Variants in TBC1D5 observed in about 807,000 individuals in gnomAD.
TBC1D5 encodes TBC1 domain family member 5.
A neutral mutation model predicts 100.3 loss-of-function variants in TBC1D5; 75 were observed. That is an observed-to-expected ratio of 0.75 (90% confidence interval 0.62 to 0.91). The LOEUF is 0.91. TBC1D5 is among the 40% of genes least tolerant of loss of function. The pLI, the probability that TBC1D5 is intolerant of heterozygous loss-of-function variation, is 0.00. For missense variants in TBC1D5, 910 were observed against 942.4 expected (o/e 0.97, Z 0.45); for synonymous variants, 323 against 325.6 (o/e 0.99, Z 0.09).
chr3:17,275,392 A>G (rs2079872288), intron 15 of TBC1D5, among the ~76,000 whole-genome samples: 1 of 152,080 alleles, frequency 6.6e-6, no homozygotes, highest in African/African-American at 2.4e-5. Context: ...GTGAAAAAAA[A>G]TTAGCCAGGT....
intron 1 of TBC1D5, among the ~76,000 whole-genome samples, chr3:17,654,914 T>A (rs1462148963): frequency 3.1e-4 from 47 of 152,128 alleles, no homozygotes; most frequent in Non-Finnish European, 5.9e-4. Context: ...GAGCAATTTA[T>A]CCATTTCTTC....
At chr3:17,703,287 A>G (rs1490013157) in intron 1 of TBC1D5, among the ~76,000 whole-genome samples, 6 of 149,114 alleles carry the variant, frequency 4.0e-5, no homozygotes, top group South Asian at 2.1e-4. Flanking sequence ...TTCTGTGGAG[A>G]AAAAAAAAAG....
chr3:17,210,508 T>C (rs538885002), intron 18 of TBC1D5, among the ~76,000 whole-genome samples: 24 of 152,274 alleles, frequency 1.6e-4, no homozygotes, highest in African/African-American at 5.3e-4. Flanking sequence ...ACTTTCAAAG[T>C]ATCGCTCCAT....
intron 9 of TBC1D5, among the ~76,000 whole-genome samples, chr3:17,382,563 C>CTT (rs5846960): frequency 1.4e-5 from 2 of 144,254 alleles, no homozygotes; most frequent in Non-Finnish European, 3.0e-5. Context: ...CCTTGAATAA[C>CTT]TTTTTTTTTT....
chr3:17,224,402 AAATT>A (rs2074618176), intron 17 of TBC1D5, among the ~76,000 whole-genome samples: 1 of 152,248 alleles, frequency 6.6e-6, no homozygotes, highest in African/African-American at 2.4e-5. Context: ...AAGAAAGATA[AAATT>A]AATTTTAATA....
intron 8 of TBC1D5, among the ~76,000 whole-genome samples, chr3:17,397,060 T>C (rs2093526524): frequency 6.6e-6 from 1 of 152,128 alleles, no homozygotes; most frequent in East Asian, 1.9e-4. Flanking sequence ...TTTTTAATTT[T>C]ATTTAAATTT....
At chr3:17,454,348 A>G (rs1288874442) in intron 3 of TBC1D5, among the ~76,000 whole-genome samples, 4 of 152,214 alleles carry the variant, frequency 2.6e-5, no homozygotes, top group African/African-American at 9.6e-5. Context: ...TTTGCAAATG[A>G]TATGATCTTA....
At chr3:17,656,024 G>A (rs1358216333) in intron 1 of TBC1D5, among the ~76,000 whole-genome samples, 2 of 152,188 alleles carry the variant, frequency 1.3e-5, no homozygotes, top group African/African-American at 4.8e-5. Flanking sequence ...CAGCTATTAT[G>A]CAGCAAATGA....
At chr3:17,370,625 G>A (rs905315436) in intron 13 of TBC1D5, among the ~76,000 whole-genome samples, 17 of 152,110 alleles carry the variant, frequency 1.1e-4, no homozygotes, top group African/African-American at 2.9e-4. Context: ...AACATGCAGC[G>A]TTAAAACAGA....
intron 3 of TBC1D5, among the ~76,000 whole-genome samples, chr3:17,467,742 A>AATC (rs1483199843): frequency 6.6e-6 from 1 of 151,810 alleles, no homozygotes; most frequent in Non-Finnish European, 1.5e-5. Flanking sequence ...TAATAATAAT[A>AATC]ATAAAATAAC....
intron 2 of TBC1D5, among the ~76,000 whole-genome samples, chr3:17,554,155 T>A (rs191459693): frequency 6.6e-6 from 1 of 152,338 alleles, no homozygotes; most frequent in East Asian, 1.9e-4. Flanking sequence ...AAAGACTGCA[T>A]TGAATAACCT....
At chr3:17,196,030 C>G (rs145457947) in intron 18 of TBC1D5, among the ~76,000 whole-genome samples, 15 of 152,278 alleles carry the variant, frequency 9.9e-5, no homozygotes, top group Middle Eastern at 3.4e-3. Flanking sequence ...TCAATACTTG[C>G]ACAACACACA....
chr3:17,700,130 A>C (rs1485257882), intron 1 of TBC1D5: 1 of 151,104 alleles, frequency 6.6e-6, no homozygotes, highest in Non-Finnish European at 1.5e-5. Flanking sequence ...TAATAAACTG[A>C]AAGGGAACAC....
At position 17,599,645 on chromosome 3, in the gene TBC1D5, G is replaced by A. The variant is rs549550353; in HGVS notation, c.-36+24204C>T. On this transcript the variant is annotated intron_variant, in intron 2 of 21. Coordinates refer to ENST00000253692, the Ensembl canonical transcript of TBC1D5. Reference sequence around the variant, plus strand: ...GCTGGTTAACACTTAGCCATCTACGGATGGCAACTGCAAAGACAGTATTAA... The same window carrying A: ...GCTGGTTAACACTTAGCCATCTACGAATGGCAACTGCAAAGACAGTATTAA... 5.3e-5 allele frequency among the ~76,000 whole-genome samples: 8 copies of A among 152,252 alleles called. No individual in the cohort carries two copies. In the East Asian group the frequency reaches 9.6e-4, roughly 18 times the overall value.
intron 3 of TBC1D5, among the ~76,000 whole-genome samples, chr3:17,482,856 A>G (rs1183141642): frequency 6.6e-6 from 1 of 151,930 alleles, no homozygotes; most frequent in African/African-American, 2.4e-5. Flanking sequence ...AGGATTGGGG[A>G]GATCTCCTAT....
intron 1 of TBC1D5, among the ~76,000 whole-genome samples, chr3:17,686,792 T>C (rs562185331): frequency 2.0e-5 from 3 of 152,254 alleles, no homozygotes; most frequent in Admixed American, 1.3e-4. Context: ...TGGAGGCATT[T>C]TGTGTGTCAC....
At chr3:17,690,795 T>C (rs1440438605) in intron 1 of TBC1D5, among the ~76,000 whole-genome samples, 1 of 152,044 alleles carries the variant, frequency 6.6e-6, no homozygotes, top group African/African-American at 2.4e-5. Context: ...TCCACCCCCA[T>C]CCATGGAAAA....
At chr3:17,201,814 G>A (rs1428511837) in intron 18 of TBC1D5, among the ~76,000 whole-genome samples, 1 of 152,112 alleles carries the variant, frequency 6.6e-6, no homozygotes, top group Non-Finnish European at 1.5e-5. Context: ...CACGCTTCCT[G>A]TACAGCATCT....
At chr3:17,467,765 C>T (rs77408619) in intron 3 of TBC1D5, among the ~76,000 whole-genome samples, 13,818 of 151,886 alleles carry the variant, frequency 0.091, 1,418 homozygotes, top group African/African-American at 0.26. Flanking sequence ...GGCATGGTGG[C>T]ATACATTTGT....
Sources: allele counts gnomAD v4.1 joint callset (sites outside exome capture counted in the v4.1 genomes callset), GRCh38; gene constraint gnomAD v4.1.1; transcripts MANE v1.5; gene names NCBI Gene and HGNC (gene_info 2026-07-23, HGNC 2026-07-21).